The following CYSTM1 variants were observed in gnomAD, a reference collection of about 807,000 sequenced individuals.
CYSTM1 encodes the protein cysteine-rich transmembrane module-containing protein 1.
In CYSTM1, 4 loss-of-function variants were observed where a neutral mutation model predicts 13.1. The observed-to-expected ratio is 0.31, with a 90% CI of 0.15 to 0.70. CYSTM1 has a LOEUF of 0.70. CYSTM1 is among the 30% of genes least tolerant of loss of function. The probability of loss-of-function intolerance (pLI) is 0.72; values close to 1 mark genes in which losing one functional copy is unlikely to be tolerated. For synonymous variants in CYSTM1, 36 were observed against 42.7 expected, an observed-to-expected ratio of 0.84 and a Z score of 0.62; for missense variants, 96 against 121.6, an observed-to-expected ratio of 0.79 and a Z score of 0.99.
chr5:140,185,581 T>G (rs1413496431), intron 1 of CYSTM1, among the ~76,000 whole-genome samples: 1 of 152,218 alleles, frequency 6.6e-6, no homozygotes, highest in Non-Finnish European at 1.5e-5. Context: ...TACCCAGCAA[T>G]GTGTTTAAAA....
chr5:140,212,257 G>A (rs754801526), intron 2 of CYSTM1, among the ~76,000 whole-genome samples: 9 of 152,256 alleles, frequency 5.9e-5, no homozygotes, highest in South Asian at 4.1e-4. Flanking sequence ...AACAGGCCAC[G>A]TAAATGACGG....
Position 140,177,069 on chromosome 5 carries a change from A to AAAAAAAAAAACAAAAAAAAAAAC in CYSTM1, c.-21+1794_-21+1795insCAAAAAAAAAAACAAAAAAAAAA, listed in dbSNP as rs1491329247. The stretch of plus-strand genomic sequence containing the variant: ...GGGCGACAGAGCGAGACTCTGTCTC[A>AAAAAAAAAAACAAAAAAAAAAAC]AAAAAAAAAAAAAAAAAATCTCTAG... On this transcript the variant is annotated intron_variant, in intron 1 of 2. Transcript: ENST00000261811. Among the ~76,000 whole-genome samples, 3 of 35,388 alleles carry AAAAAAAAAAACAAAAAAAAAAAC rather than the reference A, an allele frequency of 8.5e-5. 1 individual carries two copies. Among genetic ancestry groups the AAAAAAAAAAACAAAAAAAAAAAC allele is most frequent in the African/African-American group, 3.5e-4 (3 of 8,536 alleles). 23.2% of individuals were successfully genotyped at this position (35,388 alleles called of 152,430 possible). A position where few individuals can be genotyped will look rare whatever the true frequency, so the allele number is the denominator to read the frequency against.
At chr5:140,215,618 T>A (rs1257717676) in intron 2 of CYSTM1, among the ~76,000 whole-genome samples, 2 of 149,146 alleles carry the variant, frequency 1.3e-5, no homozygotes, top group Non-Finnish European at 3.0e-5. Flanking sequence ...TACTTTGCAT[T>A]ATTAATGCAT....
chr5:140,235,772 C>T (rs999717665), intron 2 of CYSTM1, among the ~76,000 whole-genome samples: 2 of 152,184 alleles, frequency 1.3e-5, no homozygotes, highest in South Asian at 2.1e-4. Context: ...CCCCTTCCTA[C>T]GCTTTGATCT....
intron 1 of CYSTM1, among the ~76,000 whole-genome samples, chr5:140,191,251 A>G (rs1200066776): frequency 6.6e-6 from 1 of 152,186 alleles, no homozygotes; most frequent in Non-Finnish European, 1.5e-5. Flanking sequence ...AACTGTCTAT[A>G]TTGGGAACAA....
At chr5:140,202,835 T>G (rs1407848486) in intron 2 of CYSTM1, 1 of 152,212 alleles carries the variant, frequency 6.6e-6, no homozygotes, top group Non-Finnish European at 1.5e-5. Context: ...AAACCAGTGT[T>G]GGGTTTCTCC....
At chr5:140,186,499 C>T (rs969185297) in intron 1 of CYSTM1, among the ~76,000 whole-genome samples, 1 of 152,228 alleles carries the variant, frequency 6.6e-6, no homozygotes, top group African/African-American at 2.4e-5. Context: ...TATGCTTAGT[C>T]ATGTGATCAT....
chr5:140,217,039 T>C (rs1020764286), intron 2 of CYSTM1, among the ~76,000 whole-genome samples: 4 of 152,152 alleles, frequency 2.6e-5, no homozygotes, highest in Non-Finnish European at 4.4e-5. Flanking sequence ...ATTTTGATGA[T>C]TTTCAATTGC....
At chr5:140,235,629 T>A (rs572592358) in intron 2 of CYSTM1, among the ~76,000 whole-genome samples, 1 of 152,110 alleles carries the variant, frequency 6.6e-6, no homozygotes, top group South Asian at 2.1e-4. Context: ...ATGGTCTCGA[T>A]CTTCTGACCT....
intron 2 of CYSTM1, among the ~76,000 whole-genome samples, chr5:140,229,150 C>A (rs1363461988): frequency 6.6e-6 from 1 of 151,994 alleles, no homozygotes; most frequent in Non-Finnish European, 1.5e-5. Flanking sequence ...ATTCTATCCA[C>A]TAATATTTGT....
chr5:140,194,557 T>C lies in CYSTM1; in HGVS notation c.92T>C (p.Met31Thr), dbSNP rs377514358. 8 of 1,613,560 alleles carry C rather than the reference T, an allele frequency of 5.0e-6. No homozygotes were observed. The highest frequency in any genetic ancestry group is 6.8e-6 in the Non-Finnish European group (8 of 1,179,772). Reference sequence around the variant, plus strand: ...CCACAACCAATGGGTCCAGGACCTATGGGGGGACCCTACCCACCTCCTCAA... The same window carrying C: ...CCACAACCAATGGGTCCAGGACCTACGGGGGGACCCTACCCACCTCCTCAA... ...YPPQPMGPGP[M>T]GGPYPPPQGY... Residue 31 changes from methionine (M) to threonine (T), a missense_variant, in exon 2 of 3, where the codon ATG (methionine) becomes ACG (threonine). Physicochemically the swap from Met to Thr is moderately conservative, Grantham distance 81. Coordinates refer to ENST00000261811, the MANE Select transcript of CYSTM1 (RefSeq NM_032412.4).
chr5:140,243,372 G>A lies in CYSTM1; in HGVS notation c.255G>A (p.Thr85=), dbSNP rs144729932. 472 of 1,614,076 alleles carry A rather than the reference G, an allele frequency of 2.9e-4. 1 individual carries two copies. Among genetic ancestry groups the A allele is most frequent in the Middle Eastern group, 2.8e-3 (17 of 6,060 alleles). Residue 85 remains threonine, a synonymous_variant, in exon 3 of 3, where the codon ACG becomes ACA. Coordinates refer to ENST00000261811, the MANE Select transcript of CYSTM1 (RefSeq NM_032412.4). ...GPSTCLTACW[T]ALCCCCLWDM... ...CCACCTGCCTCACAGCCTGCTGGAC[G>A]GCTCTCTGTTGCTGCTGTCTCTGGG...
chr5:140,228,720 C>T, intron 2 of CYSTM1: 1 of 399,102 alleles, frequency 2.5e-6, no homozygotes, highest in Non-Finnish European at 4.4e-6. Flanking sequence ...CCCTGCACCC[C>T]CTTCAACAGT....
chr5:140,178,995 G>A (rs1367993313), intron 1 of CYSTM1, among the ~76,000 whole-genome samples: 2 of 151,894 alleles, frequency 1.3e-5, no homozygotes, highest in African/African-American at 2.4e-5. Context: ...TCTGAGGCCC[G>A]GTGCGGTAAT....
intron 2 of CYSTM1, among the ~76,000 whole-genome samples, chr5:140,226,895 G>A (rs1764564556): frequency 1.3e-5 from 2 of 151,958 alleles, no homozygotes; most frequent in Admixed American, 6.6e-5. Flanking sequence ...CTGAGTAGAC[G>A]CTGAAGTTCC....
At chr5:140,213,010 T>TA (rs1561814064) in intron 2 of CYSTM1, among the ~76,000 whole-genome samples, 1 of 122,394 alleles carries the variant, frequency 8.2e-6, no homozygotes, top group Non-Finnish European at 1.7e-5. Flanking sequence ...TATATATATA[T>TA]GAGAGAGAGA....
At chr5:140,200,415 A>G (rs1420679249) in intron 2 of CYSTM1, 1 of 152,094 alleles carries the variant, frequency 6.6e-6, no homozygotes, top group Non-Finnish European at 1.5e-5. Context: ...AGGTTTGTCA[A>G]AGATCAAGTG....
chr5:140,236,600 T>G (rs1764683898), intron 2 of CYSTM1, among the ~76,000 whole-genome samples: 1 of 152,248 alleles, frequency 6.6e-6, no homozygotes, highest in Admixed American at 6.5e-5. Context: ...GATATTAACT[T>G]TGTTCTCATT....
chr5:140,191,406 A>G (rs760252741), intron 1 of CYSTM1, among the ~76,000 whole-genome samples: 1 of 152,196 alleles, frequency 6.6e-6, no homozygotes, highest in Non-Finnish European at 1.5e-5. Flanking sequence ...AGTTGGAGAA[A>G]GATACATACC....
Sources: gnomAD v4.1 joint callset for allele counts (sites outside exome capture counted in the v4.1 genomes callset) on GRCh38, gnomAD v4.1.1 for gene constraint, MANE v1.5 for transcripts, NCBI Gene and HGNC (gene_info 2026-07-23, HGNC 2026-07-21) for gene names.